Variants in UPF3A observed in about 807,000 individuals in gnomAD.
UPF3A encodes the protein regulator of nonsense transcripts 3A.
Under a neutral mutation model 53.5 loss-of-function variants are expected in UPF3A, and 42 were observed. The observed-to-expected ratio is 0.78, with a 90% CI of 0.61 to 1.01. UPF3A has a LOEUF of 1.01. Among genes scored for constraint, UPF3A ranks in the 50% least tolerant of loss-of-function variants. The probability of loss-of-function intolerance (pLI) is 0.00; values close to 1 mark genes in which losing one functional copy is unlikely to be tolerated. For synonymous variants in UPF3A, 237 were observed against 225.3 expected (o/e 1.05, Z -0.47); for missense variants, 575 against 598.0 (o/e 0.96, Z 0.40).
chr13:114,289,197 T>C (rs1375576333), intron 5 of UPF3A, among the ~76,000 whole-genome samples: 1 of 152,118 alleles, frequency 6.6e-6, no homozygotes, highest in African/African-American at 2.4e-5. Flanking sequence ...TGTAGAGTCT[T>C]CCTTGTTTCT....
At chr13:114,303,905 T>G (rs570545879) in intron 9 of UPF3A, among the ~76,000 whole-genome samples, 1 of 152,034 alleles carries the variant, frequency 6.6e-6, no homozygotes, top group East Asian at 1.9e-4. Flanking sequence ...GAAAAGAAAA[T>G]TAAGTTAAAC....
At chr13:114,298,381 A>T (rs2086258068) in intron 7 of UPF3A, among the ~76,000 whole-genome samples, 1 of 152,072 alleles carries the variant, frequency 6.6e-6, no homozygotes, top group African/African-American at 2.4e-5. Flanking sequence ...CTCAAAAAAA[A>T]AAAAAAAAAT....
At chr13:114,292,770 C>T (rs562551121) in intron 7 of UPF3A, among the ~76,000 whole-genome samples, 2 of 152,126 alleles carry the variant, frequency 1.3e-5, no homozygotes, top group African/African-American at 4.8e-5. Flanking sequence ...TCAGTCTTCA[C>T]CCTCCTCCCA....
chr13:114,285,245 G>A (rs116803315), intron 3 of UPF3A: 5 of 152,260 alleles, frequency 3.3e-5, no homozygotes, highest in African/African-American at 7.2e-5. Flanking sequence ...AGTTGACCAA[G>A]TATTACAAAG....
At chr13:114,286,790 T>C (rs2084738378) in intron 5 of UPF3A, 161 bp downstream of exon 5, 1 of 625,610 alleles carries the variant, frequency 1.6e-6, no homozygotes, top group Non-Finnish European at 2.8e-6. Flanking sequence ...AATGGCAAGA[T>C]GGCAGCATGG....
intron 7 of UPF3A, among the ~76,000 whole-genome samples, chr13:114,292,648 C>T (rs910018146): frequency 7.4e-5 from 11 of 149,390 alleles, no homozygotes; most frequent in Admixed American, 2.0e-4. Flanking sequence ...TGTTCATTTT[C>T]GGCTCAAGGC....
intron 2 of UPF3A, chr13:114,282,329 T>C (rs2084167458): frequency 5.3e-6 from 5 of 935,282 alleles, no homozygotes; most frequent in Non-Finnish European, 7.5e-6. Flanking sequence ...GTGGTTTACA[T>C]GAAAAATGCG....
At chr13:114,290,149 C>T (rs903271402) in intron 5 of UPF3A, among the ~76,000 whole-genome samples, 7 of 152,208 alleles carry the variant, frequency 4.6e-5, no homozygotes, top group Non-Finnish European at 1.0e-4. Flanking sequence ...GTGTCTGCCA[C>T]GAAATGTGGC....
chr13:114,282,767 G>T, intron 2 of UPF3A, 70 bp from the exon 3 acceptor site: 1 of 1,554,950 alleles, frequency 6.4e-7, no homozygotes, highest in Non-Finnish European at 8.7e-7. Context: ...CCCAGAAAAG[G>T]AAAAAGAGGC....
At chr13:114,299,147 C>A in intron 8 of UPF3A, 147 bp downstream of exon 8, 1 of 752,776 alleles carries the variant, frequency 1.3e-6, no homozygotes, top group Non-Finnish European at 1.9e-6. Flanking sequence ...CATTTCCCAT[C>A]AGCATGGCAG....
intron 7 of UPF3A, among the ~76,000 whole-genome samples, chr13:114,292,622 G>A (rs960399384): frequency 1.2e-4 from 18 of 149,522 alleles, no homozygotes; most frequent in Non-Finnish European, 1.6e-4. Context: ...AGGCGTACAC[G>A]TGCAGGTGTG....
intron 7 of UPF3A, among the ~76,000 whole-genome samples, chr13:114,295,508 C>G (rs1191563548): frequency 6.6e-6 from 1 of 152,210 alleles, no homozygotes; most frequent in African/African-American, 2.4e-5. Context: ...CAGGGACTTC[C>G]CCAGATGTGC....
intron 7 of UPF3A, among the ~76,000 whole-genome samples, chr13:114,293,173 C>T (rs2085490417): frequency 6.6e-6 from 1 of 150,728 alleles, no homozygotes; most frequent in African/African-American, 2.4e-5. Context: ...TACTTGAGTT[C>T]AGGAGTTTGA....
chr13:114,298,627 C>T (rs899032030), intron 7 of UPF3A, among the ~76,000 whole-genome samples: 2 of 152,176 alleles, frequency 1.3e-5, no homozygotes, highest in African/African-American at 4.8e-5. Flanking sequence ...ATCACATTAA[C>T]CTACCTTACT....
intron 7 of UPF3A, among the ~76,000 whole-genome samples, chr13:114,295,608 C>G (rs889380488): frequency 6.6e-6 from 1 of 152,256 alleles, no homozygotes; most frequent in African/African-American, 2.4e-5. Flanking sequence ...GTCTCTGATG[C>G]TTTACTCTCC....
intron 5 of UPF3A, chr13:114,287,687 T>C (rs1307185032): frequency 6.6e-6 from 1 of 152,204 alleles, no homozygotes; most frequent in Non-Finnish European, 1.5e-5. Flanking sequence ...TTGTTTTGTC[T>C]CCCCAGTGGA....
At position 114,295,340 on chromosome 13, in the gene UPF3A, C is replaced by CTCCCCAGCTCGTCTCCAGCGGCTCTGGCG. The variant is rs2085800624; in HGVS notation, c.847-3499_847-3498insCCCCAGCTCGTCTCCAGCGGCTCTGGCGT. Among the ~76,000 whole-genome samples, 103 of 75,656 alleles carry CTCCCCAGCTCGTCTCCAGCGGCTCTGGCG rather than the reference C, an allele frequency of 1.4e-3. 1 individual carries two copies. The highest frequency in any genetic ancestry group is 6.1e-3 in the Middle Eastern group (1 of 164). The allele number at this position is 75,656 out of a possible 152,430, so 49.6% of individuals were successfully genotyped here. On this transcript the variant is annotated intron_variant, in intron 7 of 9. Coordinates refer to ENST00000375299, the MANE Select transcript of UPF3A (RefSeq NM_023011.4). ...CCAGCTCGTCTCCAGCAGCTCTGGC[C>CTCCCCAGCTCGTCTCCAGCGGCTCTGGCG]TGCTCCCCAGCTCGTCTCCAGCGGC...
At chr13:114,286,131 G>A in intron 3 of UPF3A, 171 bp from the exon 4 acceptor site, 1 of 870,956 alleles carries the variant, frequency 1.1e-6, no homozygotes. Flanking sequence ...TAAAATTGTA[G>A]GTTTTTTAAT....
chr13:114,304,163 T>G (rs1261642667), intron 9 of UPF3A, among the ~76,000 whole-genome samples: 1 of 152,194 alleles, frequency 6.6e-6, no homozygotes, highest in Non-Finnish European at 1.5e-5. Context: ...CTGCCACCCC[T>G]TCAGTGCTGG....
Sources: allele counts gnomAD v4.1 joint callset (sites outside exome capture counted in the v4.1 genomes callset), GRCh38; gene constraint gnomAD v4.1.1; transcripts MANE v1.5; gene names NCBI Gene and HGNC (gene_info 2026-07-23, HGNC 2026-07-21).